The following ITGAE variants were observed in gnomAD, a reference collection of about 807,000 sequenced individuals.
ITGAE encodes the protein integrin alpha-E.
Under a neutral mutation model 136.5 loss-of-function variants are expected in ITGAE, and 99 were observed. The ratio of observed to expected loss-of-function variants is 0.73; its 90% CI spans 0.62 to 0.86. ITGAE has a LOEUF of 0.86. Ranked by LOEUF, ITGAE falls within the 40% of genes least tolerant of loss-of-function variation. ITGAE has a pLI of 0.00. For missense variants in ITGAE, 1,447 were observed against 1,515.3 expected, an observed-to-expected ratio of 0.95 and a Z score of 0.75; for synonymous variants, 613 against 591.8, an observed-to-expected ratio of 1.04 and a Z score of -0.52.
intron 19 of ITGAE, among the ~76,000 whole-genome samples, chr17:3,743,273 G>A (rs1468194636): frequency 1.3e-5 from 2 of 152,186 alleles, no homozygotes; most frequent in African/African-American, 4.8e-5. Context: ...AAGCCCCAGG[G>A]GCAGATGGAG....
intron 2 of ITGAE, among the ~76,000 whole-genome samples, chr17:3,775,307 G>A (rs1201641135): frequency 6.6e-6 from 1 of 152,044 alleles, no homozygotes; most frequent in Non-Finnish European, 1.5e-5. Context: ...GTTTCCAGAT[G>A]GATCCAGGTA....
chr17:3,732,543 C>G, intron 21 of ITGAE, 77 bp from the exon 22 acceptor site: 1 of 1,222,592 alleles, frequency 8.2e-7, no homozygotes, highest in Non-Finnish European at 1.2e-6. Flanking sequence ...CACAGCAATT[C>G]AGCAAACATT....
In ITGAE at chr17:3,743,564, G is replaced by T; in HGVS notation, c.2373C>A (p.Leu791=). The T allele has an allele frequency of 6.2e-7, 1 of 1,613,456 alleles. No individual in the cohort carries two copies. The highest frequency in any genetic ancestry group is 1.3e-5 in the African/African-American group (1 of 74,982). Reference sequence around the variant, plus strand: ...GGTCCGTCTGTCCCTCAGGGGTCTGGAGCTGGTAGCTGACTTTGACACTGG... The same window carrying T: ...GGTCCGTCTGTCCCTCAGGGGTCTGTAGCTGGTAGCTGACTTTGACACTGG... The part of the protein sequence containing the change: ...SNASVKVSYQ[L]QTPEGQTDHP... The change falls in exon 19 of 31, where the codon CTC becomes CTA. Residue 791 remains leucine (L), a synonymous_variant. Transcript: ENST00000263087.
In ITGAE at chr17:3,751,882, G is replaced by A; in HGVS notation, c.1669-8C>T. ...CAAGGAGAAAGAACCATCCTGTAAA[G>A]CAAACAAACAGCTCAGCCCTCAAGA... On this transcript the variant is annotated splice_polypyrimidine_tract_variant and splice_region_variant and intron_variant, in intron 14 of 30. Coordinates refer to ENST00000263087, the MANE Select transcript of ITGAE (RefSeq NM_002208.5). 1 of 1,611,024 alleles carries A rather than the reference G, an allele frequency of 6.2e-7. No individual in the cohort carries two copies. The highest frequency in any genetic ancestry group is 8.5e-7 in the Non-Finnish European group (1 of 1,177,258).
intron 20 of ITGAE, among the ~76,000 whole-genome samples, chr17:3,736,228 G>A (rs1055539625): frequency 2.0e-5 from 3 of 152,152 alleles, no homozygotes; most frequent in Non-Finnish European, 2.9e-5. Context: ...AGAATTGCTT[G>A]AGCCCGGGAG....
At chr17:3,756,270 G>T (rs1165705543) in intron 10 of ITGAE, among the ~76,000 whole-genome samples, 1 of 112,552 alleles carries the variant, frequency 8.9e-6, no homozygotes, top group African/African-American at 3.5e-5. Flanking sequence ...GTCTCACTCT[G>T]TTGCTCAGGC....
At chr17:3,778,036 T>C (rs756440094) in intron 1 of ITGAE, among the ~76,000 whole-genome samples, 3 of 152,102 alleles carry the variant, frequency 2.0e-5, no homozygotes, top group Admixed American at 1.3e-4. Flanking sequence ...AGAGGGCCTG[T>C]GTATGTTCTA....
At chr17:3,729,002 C>T (rs2051280641) in intron 24 of ITGAE, among the ~76,000 whole-genome samples, 1 of 150,890 alleles carries the variant, frequency 6.6e-6, no homozygotes, top group African/African-American at 2.4e-5. Flanking sequence ...CACCACTGCA[C>T]TCCAGCCTGG....
chr17:3,785,558 A>G (rs1321389569), intron 1 of ITGAE, among the ~76,000 whole-genome samples: 7 of 137,756 alleles, frequency 5.1e-5, no homozygotes, highest in Non-Finnish European at 1.1e-4. Context: ...AAGGAAGGAA[A>G]ACTAGAAAAA....
At chr17:3,764,236 C>T (rs987113929) in intron 2 of ITGAE, among the ~76,000 whole-genome samples, 1 of 152,196 alleles carries the variant, frequency 6.6e-6, no homozygotes, top group Non-Finnish European at 1.5e-5. Context: ...AAACTCTGCT[C>T]TCTTATGGGG....
intron 2 of ITGAE, among the ~76,000 whole-genome samples, chr17:3,772,793 A>G (rs2052457571): frequency 6.6e-6 from 1 of 152,042 alleles, no homozygotes; most frequent in African/African-American, 2.4e-5. Context: ...CACCGATGAA[A>G]CCAGGATCCA....
chr17:3,725,765 T>G, intron 26 of ITGAE: 1 of 1,593,580 alleles, frequency 6.3e-7, no homozygotes, highest in Non-Finnish European at 8.6e-7. Flanking sequence ...TTGGAGGGAT[T>G]GACTTAGAGC....
intron 2 of ITGAE, among the ~76,000 whole-genome samples, chr17:3,767,589 T>A (rs6502743): frequency 6.6e-6 from 1 of 151,950 alleles, no homozygotes; most frequent in Non-Finnish European, 1.5e-5. Flanking sequence ...ATCATCGTCC[T>A]GCCTTGTTGA....
chr17:3,780,540 C>T (rs1295249408), intron 1 of ITGAE, among the ~76,000 whole-genome samples: 2 of 152,128 alleles, frequency 1.3e-5, no homozygotes, highest in South Asian at 2.1e-4. Flanking sequence ...TCAGCTGATC[C>T]GCCCACCTCG....
At chr17:3,795,978 C>T (rs932725697) in intron 1 of ITGAE, among the ~76,000 whole-genome samples, 2 of 41,090 alleles carry the variant, frequency 4.9e-5, no homozygotes, top group African/African-American at 1.6e-4. Flanking sequence ...TGTGTGCATC[C>T]GTGTGTGCAT....
At position 3,788,618 on chromosome 17, in the gene ITGAE, G is replaced by A. The variant is rs182901649; in HGVS notation, c.35-10958C>T. On this transcript the variant is annotated intron_variant, in intron 1 of 30. Coordinates refer to ENST00000263087, the MANE Select transcript of ITGAE (RefSeq NM_002208.5). Reference sequence around the variant, plus strand: ...CCCAGCCTGTTCTGTTTCTTGATACGGGTGTGACTTAATATGAACATTTAC... The same window carrying A: ...CCCAGCCTGTTCTGTTTCTTGATACAGGTGTGACTTAATATGAACATTTAC... 8.1e-4 allele frequency among the ~76,000 whole-genome samples: 121 copies of A among 150,268 alleles called. 1 individual carries two copies. The highest frequency in any genetic ancestry group is 2.8e-3 in the African/African-American group (113 of 41,028).
At position 3,746,710 on chromosome 17, in the gene ITGAE, G is replaced by T. The variant is rs532907194; in HGVS notation, c.2156-783C>A. On this transcript the variant is annotated intron_variant, in intron 17 of 30. Transcript: ENST00000263087. The stretch of plus-strand genomic sequence containing the variant: ...CCTGACCTTGTGATCCACCCGCCTC[G>T]GCCTCCCAAAGTGCTGGGACTACAG... 5.7e-4 allele frequency among the ~76,000 whole-genome samples: 86 copies of T among 151,922 alleles called. 1 individual carries two copies. Among genetic ancestry groups the T allele is most frequent in the African/African-American group, 2.0e-3 (81 of 41,398 alleles).
chr17:3,743,360 G>A lies in ITGAE; in HGVS notation c.2448+129C>T, dbSNP rs565203278. ...AGGGACTCAGTTTCACCATGAGTAC[G>A]GTGAGGGGCCCAAATGCCGTCTGAA... On this transcript the variant is annotated intron_variant, in intron 19 of 30. Transcript: ENST00000263087. 43 of 1,065,200 alleles carry A rather than the reference G, an allele frequency of 4.0e-5. No individual in the cohort carries two copies. The South Asian group carries it at 5.0e-4, about 12-fold the overall frequency. 66.0% of individuals were successfully genotyped at this position (1,065,200 alleles called of 1,614,324 possible). A position where few individuals can be genotyped will look rare whatever the true frequency, so the allele number is the denominator to read the frequency against.
chr17:3,765,291 G>A (rs575635447), intron 2 of ITGAE, among the ~76,000 whole-genome samples: 1 of 143,794 alleles, frequency 7.0e-6, no homozygotes, highest in Admixed American at 7.2e-5. Context: ...AGAGGTTGCA[G>A]TGAGCCGAGA....
Sources: allele counts gnomAD v4.1 joint callset (sites outside exome capture counted in the v4.1 genomes callset), GRCh38; gene constraint gnomAD v4.1.1; transcripts MANE v1.5; gene names NCBI Gene and HGNC (gene_info 2026-07-23, HGNC 2026-07-21).